Variants in PRELID1 observed in about 807,000 individuals in gnomAD.
The protein encoded by PRELID1 is PRELI domain-containing protein 1, mitochondrial.
Under a neutral mutation model 29.0 loss-of-function variants are expected in PRELID1, and 15 were observed. The ratio of observed to expected loss-of-function variants is 0.52; its 90% CI spans 0.35 to 0.80. The LOEUF is 0.80. Among genes scored for constraint, PRELID1 ranks in the 30% least tolerant of loss-of-function variants. The pLI is 0.01. For missense variants in PRELID1, 187 were observed against 275.9 expected (o/e 0.68, Z 2.28); for synonymous variants, 79 against 106.5 (o/e 0.74, Z 1.59).
Position 177,304,021 on chromosome 5 carries a change from G to T in PRELID1, c.36G>T (p.Arg12=). Residue 12 remains arginine (R), a synonymous_variant, in exon 1 of 5, where the codon CGG becomes CGT. Coordinates refer to ENST00000303204, the MANE Select transcript of PRELID1 (RefSeq NM_013237.4). ...ATTTCCTGGGCCAGAGCGTGCTCCG[G>T]AGTTCCTGGGACCAAGTGTTCGCCG... The part of the protein sequence containing the change: ...VKYFLGQSVL[R]SSWDQVFAAF... 6.2e-7 allele frequency: 1 copy of T among 1,611,992 alleles called. No homozygotes were observed. The highest frequency in any genetic ancestry group is 1.1e-5 in the South Asian group (1 of 91,066).
In PRELID1 at chr5:177,304,313, C is replaced by A. The variant is rs141998193; in HGVS notation, c.92+236C>A. Reference sequence around the variant, plus strand: ...CTCAGTGTGGTGAGACAAGAAGAGGCGGCAGTATGGGAGTTGGGAGGGATC... The same window carrying A: ...CTCAGTGTGGTGAGACAAGAAGAGGAGGCAGTATGGGAGTTGGGAGGGATC... On this transcript the variant is annotated intron_variant, in intron 1 of 4. Transcript: ENST00000303204. 5.0e-6 allele frequency: 3 copies of A among 598,754 alleles called. No individual in the cohort carries two copies. In the African/African-American group the frequency reaches 5.6e-5, roughly 11 times the overall value. The allele number at this position is 598,754 out of a possible 1,614,324, so 37.1% of individuals were successfully genotyped here.
intron 2 of PRELID1, among the ~76,000 whole-genome samples, chr5:177,305,317 G>A (rs928405283): frequency 6.6e-5 from 10 of 151,586 alleles, no homozygotes; most frequent in Non-Finnish European, 1.0e-4. Context: ...AGCAATTCTC[G>A]TGCCTCAGCC....
chr5:177,306,072 T>C, intron 3 of PRELID1, 26 bp from the exon 4 acceptor site: 3 of 1,603,522 alleles, frequency 1.9e-6, no homozygotes, highest in Non-Finnish European at 2.6e-6. Context: ...CAACTCAGTA[T>C]CCTTCCCATT....
chr5:177,305,497 G>A (rs1223249092), intron 2 of PRELID1: 5 of 259,924 alleles, frequency 1.9e-5, no homozygotes, highest in East Asian at 1.0e-4. Flanking sequence ...GTGAGCCACC[G>A]CGCCGGGCAA....
intron 4 of PRELID1, 55 bp downstream of exon 4, chr5:177,306,231 C>T (rs753970231): frequency 5.7e-6 from 9 of 1,583,876 alleles, no homozygotes; most frequent in East Asian, 2.2e-5. Context: ...TTCAGCCTAG[C>T]GGGCGTGGAG....
intron 2 of PRELID1, chr5:177,305,568 C>T (rs1355481774): frequency 2.8e-6 from 1 of 361,750 alleles, no homozygotes; most frequent in African/African-American, 2.1e-5. Flanking sequence ...GCGGCTAAAA[C>T]ACTGCATGCG....
rs912400931 is a variant in PRELID1, at chr5:177,306,941, T to C, written c.*371T>C. The C allele has an allele frequency of 3.3e-6, 3 of 916,726 alleles. No individual in the cohort carries two copies. Among genetic ancestry groups the C allele is most frequent in the African/African-American group, 3.4e-5 (2 of 59,572 alleles). 56.8% of individuals were successfully genotyped at this position (916,726 alleles called of 1,614,324 possible). A position where few individuals can be genotyped will look rare whatever the true frequency, so the allele number is the denominator to read the frequency against. On this transcript the variant is annotated 3_prime_UTR_variant, in exon 5 of 5. Coordinates refer to ENST00000303204, the MANE Select transcript of PRELID1 (RefSeq NM_013237.4). Reference sequence around the variant, plus strand: ...ATAATAGACACTCAATAAATACTTGTTGAATTCAGTTGGCCCCAGCTCTGG... The same window carrying C: ...ATAATAGACACTCAATAAATACTTGCTGAATTCAGTTGGCCCCAGCTCTGG...
intron 2 of PRELID1, among the ~76,000 whole-genome samples, chr5:177,305,057 C>T (rs1044148871): frequency 2.0e-5 from 3 of 152,226 alleles, no homozygotes; most frequent in East Asian, 1.9e-4. Flanking sequence ...TGTCCTTTGA[C>T]TCATTCATAC....
In PRELID1 at chr5:177,303,907, C is replaced by T; in HGVS notation, c.-79C>T. The T allele has an allele frequency of 1.5e-6, 2 of 1,300,050 alleles. No homozygotes were observed. Among genetic ancestry groups the T allele is most frequent in the South Asian group, 1.3e-5 (1 of 78,846 alleles). 80.5% of individuals were successfully genotyped at this position (1,300,050 alleles called of 1,614,324 possible). ...GCGGCGGGTGTGCGCCGAGCCCCGG[C>T]CCGGCCCGGCCCTCGCGTGCCTCCC... is the stretch of plus-strand genomic sequence containing the variant. On this transcript the variant is annotated 5_prime_UTR_variant, in exon 1 of 5. Coordinates refer to ENST00000303204, the MANE Select transcript of PRELID1 (RefSeq NM_013237.4). The surrounding 1 kb of genome is among the most constrained non-coding windows in gnomAD (Gnocchi z 6.1).
At position 177,303,979 on chromosome 5, in the gene PRELID1, C is replaced by G; in HGVS notation, c.-7C>G. ...GCGCGGGTGCTGAGCCCGCTTCGGC[C>G]GGGACGATGGTGAAGTATTTCCTGG... On this transcript the variant is annotated 5_prime_UTR_variant, in exon 1 of 5. Transcript: ENST00000303204. The surrounding 1 kb of genome is among the most constrained non-coding windows in gnomAD (Gnocchi z 6.1). 1 of 1,607,822 alleles carries G rather than the reference C, an allele frequency of 6.2e-7. No homozygotes were observed. Among genetic ancestry groups the G allele is most frequent in the Non-Finnish European group, 8.5e-7 (1 of 1,179,458 alleles).
At chr5:177,306,335 C>A in intron 4 of PRELID1, 87 bp from the exon 5 acceptor site, 1 of 1,596,920 alleles carries the variant, frequency 6.3e-7, no homozygotes, top group South Asian at 1.1e-5. Context: ...TGGAGCCTGG[C>A]CCAGAGGAGA....
At chr5:177,306,270 C>T (rs1760871782) in intron 4 of PRELID1, 94 bp downstream of exon 4, 1 of 1,558,938 alleles carries the variant, frequency 6.4e-7, no homozygotes, top group African/African-American at 1.4e-5. Flanking sequence ...CTGCTCTGAG[C>T]TGGGACTCCT....
At position 177,305,936 on chromosome 5, in the gene PRELID1, G is replaced by A; in HGVS notation, c.384G>A (p.Arg128=). 1.9e-6 allele frequency: 3 copies of A among 1,614,160 alleles called. No homozygotes were observed. The African/African-American group carries it at 4.0e-5, about 22-fold the overall frequency. ...SDNSGWTEIR[R]EAWVSSSLFG... ...ACAGTGGCTGGACTGAAATCCGCCG[G>A]GAAGCCTGGGTCTCCTCTAGCTTAT... is the stretch of plus-strand genomic sequence containing the variant. Residue 128 remains arginine, a synonymous_variant, in exon 3 of 5, where the codon CGG becomes CGA. Transcript: ENST00000303204.
Position 177,306,083 on chromosome 5 carries a change from C to T in PRELID1, c.433-15C>T. ...TGGGCAACTCAGTATCCTTCCCATTCTCATCTCATGCCAGGAATTTGGTCT... is the reference window on the plus strand; with the variant it reads ...TGGGCAACTCAGTATCCTTCCCATTTTCATCTCATGCCAGGAATTTGGTCT... On this transcript the variant is annotated splice_polypyrimidine_tract_variant and intron_variant, in intron 3 of 4. Coordinates refer to ENST00000303204, the MANE Select transcript of PRELID1 (RefSeq NM_013237.4). 2 of 1,607,688 alleles carry T rather than the reference C, an allele frequency of 1.2e-6. No individual in the cohort carries two copies. The highest frequency in any genetic ancestry group is 8.5e-7 in the Non-Finnish European group (1 of 1,174,112).
At chr5:177,305,459 G>A (rs148079329) in intron 2 of PRELID1, 116 of 211,772 alleles carry the variant, frequency 5.5e-4, no homozygotes, top group African/African-American at 2.6e-3. Context: ...CGCCCGCCTC[G>A]GCCTCCCAAA....
rs369136404 is a variant in PRELID1 at position 177,305,998 on chromosome 5, T to G, written c.432+14T>G. ...AGAGCTGTCCAGGTGAGCAGTGTTG[T>G]TGGGGCTGCTGGGGCTCTGGGACCC... On this transcript the variant is annotated intron_variant, in intron 3 of 4. Transcript: ENST00000303204. 7 of 1,611,334 alleles carry G rather than the reference T, an allele frequency of 4.3e-6. No homozygotes were observed. The African/African-American group carries it at 8.0e-5, about 18-fold the overall frequency.
rs928045633 is a variant in PRELID1 at position 177,303,845 on chromosome 5, T to G, written c.-141T>G. 19 of 558,608 alleles carry G rather than the reference T, an allele frequency of 3.4e-5. No individual in the cohort carries two copies. The highest frequency in any genetic ancestry group is 4.5e-5 in the Non-Finnish European group (16 of 357,984). The allele number at this position is 558,608 out of a possible 1,614,324, so 34.6% of individuals were successfully genotyped here. On this transcript the variant is annotated 5_prime_UTR_variant, in exon 1 of 5. Transcript: ENST00000303204. The surrounding 1 kb of genome is among the most constrained non-coding windows in gnomAD (Gnocchi z 6.1). ...CGGCGGCGGCGGCGGCGGCAGCTGCTTGGGCGCGGTGCGGTGGTGACTGAG... is the reference window on the plus strand; with the variant it reads ...CGGCGGCGGCGGCGGCGGCAGCTGCGTGGGCGCGGTGCGGTGGTGACTGAG...
chr5:177,304,268 C>T lies in PRELID1; in HGVS notation c.92+191C>T. The T allele has an allele frequency of 6.5e-6, 4 of 618,326 alleles. No individual in the cohort carries two copies. In the South Asian group the frequency reaches 7.8e-5, roughly 12 times the overall value. 38.3% of individuals were successfully genotyped at this position (618,326 alleles called of 1,614,324 possible). A position where few individuals can be genotyped will look rare whatever the true frequency, so the allele number is the denominator to read the frequency against. On this transcript the variant is annotated intron_variant, in intron 1 of 4. Transcript: ENST00000303204. ...GGCCTGGGTGGTGGTTTACTTGAGACCTTAGTGTAAGATTCTTTTCTCAGT... is the reference window on the plus strand; with the variant it reads ...GGCCTGGGTGGTGGTTTACTTGAGATCTTAGTGTAAGATTCTTTTCTCAGT...
Position 177,306,194 on chromosome 5 carries a change from T to G in PRELID1, c.511+18T>G, listed in dbSNP as rs1355337043. 5 of 1,603,496 alleles carry G rather than the reference T, an allele frequency of 3.1e-6. No individual in the cohort carries two copies. The highest frequency in any genetic ancestry group is 3.4e-6 in the Non-Finnish European group (4 of 1,170,480). On this transcript the variant is annotated intron_variant, in intron 4 of 4. Transcript: ENST00000303204. ...GCTGCAAGGTGAGTTTCTGGGTATG[T>G]GGATATTCCTCATAGGGAGAGGCTC... is the stretch of plus-strand genomic sequence containing the variant.
Sources: allele counts gnomAD v4.1 joint callset (sites outside exome capture counted in the v4.1 genomes callset), GRCh38; gene constraint gnomAD v4.1.1; non-coding constraint Gnocchi (gnomAD v3.1); transcripts MANE v1.5; gene names NCBI Gene and HGNC (gene_info 2026-07-23, HGNC 2026-07-21).